The following CAMK4 variants were observed in gnomAD, a reference collection of about 807,000 sequenced individuals.
CAMK4 encodes calcium/calmodulin dependent protein kinase IV, also known as calcium/calmodulin-dependent protein kinase type IV.
In CAMK4, 22 loss-of-function variants were observed where a neutral mutation model predicts 44.9. The ratio of observed to expected loss-of-function variants is 0.49; its 90% CI spans 0.35 to 0.70. The LOEUF (loss-of-function observed/expected upper bound fraction) is 0.70, where lower values mean the gene tolerates loss of function less well. CAMK4 is among the 30% of genes least tolerant of loss of function. CAMK4 has a pLI of 0.01. For synonymous variants in CAMK4, 218 were observed against 215.4 expected (o/e 1.01, Z -0.11); for missense variants, 498 against 586.8 (o/e 0.85, Z 1.56).
intron 5 of CAMK4, among the ~76,000 whole-genome samples, chr5:111,408,995 C>G (rs1008103348): frequency 1.1e-4 from 16 of 152,184 alleles, no homozygotes; most frequent in African/African-American, 3.9e-4. Flanking sequence ...GCTTCCCTCC[C>G]AACTGCTTTC....
Position 111,486,043 on chromosome 5 carries a change from TC to T in CAMK4, c.*1578del, listed in dbSNP as rs1755605331. The T allele has an allele frequency of 6.6e-6, 1 of 152,114 alleles. No individual in the cohort carries two copies. The allele number at this position is 152,114 out of a possible 1,614,324, so 9.4% of individuals were successfully genotyped here. The stretch of plus-strand genomic sequence containing the variant: ...ATAAAAATCCTTGTTAAAAAAGAGA[TC>T]TTAAATTATGTTGGCTCTCCCTCAA... On this transcript the variant is annotated 3_prime_UTR_variant, in exon 11 of 11. Transcript: ENST00000282356.
intron 1 of CAMK4, among the ~76,000 whole-genome samples, chr5:111,298,653 A>C (rs1289039156): frequency 6.6e-6 from 1 of 152,130 alleles, no homozygotes; most frequent in African/African-American, 2.4e-5. Flanking sequence ...CTATCCCTGG[A>C]GCAGGTGTCA....
chr5:111,295,238 G>A (rs946329082), intron 1 of CAMK4, among the ~76,000 whole-genome samples: 4 of 152,166 alleles, frequency 2.6e-5, no homozygotes, highest in Non-Finnish European at 5.9e-5. Flanking sequence ...AACAGTGTAA[G>A]AAGGAGATGG....
At chr5:111,318,294 A>G (rs1748518941) in intron 1 of CAMK4, among the ~76,000 whole-genome samples, 1 of 152,130 alleles carries the variant, frequency 6.6e-6, no homozygotes, top group South Asian at 2.1e-4. Flanking sequence ...TATGATCCAC[A>G]TGGCTGTGTA....
intron 2 of CAMK4, among the ~76,000 whole-genome samples, chr5:111,351,885 C>T (rs1750124117): frequency 6.6e-6 from 1 of 152,048 alleles, no homozygotes; most frequent in South Asian, 2.1e-4. Context: ...GTTCTGGAGG[C>T]TGAGAAGTCC....
chr5:111,464,137 A>T (rs951742265), intron 7 of CAMK4, among the ~76,000 whole-genome samples: 17 of 152,066 alleles, frequency 1.1e-4, no homozygotes, highest in African/African-American at 4.1e-4. Flanking sequence ...AGCATAAATA[A>T]AAAAACAATC....
chr5:111,312,662 A>G (rs984165863), intron 1 of CAMK4, among the ~76,000 whole-genome samples: 3 of 152,162 alleles, frequency 2.0e-5, no homozygotes, highest in African/African-American at 7.2e-5. Flanking sequence ...TCAACCACAA[A>G]TTAAATAAGA....
chr5:111,386,336 T>C (rs1751601166), intron 4 of CAMK4, among the ~76,000 whole-genome samples: 1 of 152,208 alleles, frequency 6.6e-6, no homozygotes, highest in African/African-American at 2.4e-5. Flanking sequence ...TTACTCTCTG[T>C]CATTTGATCC....
chr5:111,437,592 T>C (rs1254596300), intron 5 of CAMK4, among the ~76,000 whole-genome samples: 1 of 152,120 alleles, frequency 6.6e-6, no homozygotes. Context: ...CTGACACATA[T>C]GTTACTTTGG....
At chr5:111,370,258 C>A (rs2112813534) in intron 2 of CAMK4, among the ~76,000 whole-genome samples, 1 of 152,204 alleles carries the variant, frequency 6.6e-6, no homozygotes, top group African/African-American at 2.4e-5. Flanking sequence ...GAGTTTAGAT[C>A]ATTGAACTTT....
At chr5:111,454,553 T>C (rs1230586840) in intron 7 of CAMK4, among the ~76,000 whole-genome samples, 1 of 149,684 alleles carries the variant, frequency 6.7e-6, no homozygotes, top group Non-Finnish European at 1.5e-5. Flanking sequence ...ATAAGTGAAA[T>C]CAATGATTAG....
At chr5:111,434,408 T>A (rs183812414) in intron 5 of CAMK4, among the ~76,000 whole-genome samples, 14 of 152,058 alleles carry the variant, frequency 9.2e-5, no homozygotes, top group Non-Finnish European at 1.9e-4. Context: ...GGATTATGAC[T>A]GATTGGCCAA....
chr5:111,405,682 C>T (rs1752398930), intron 5 of CAMK4, among the ~76,000 whole-genome samples: 1 of 152,102 alleles, frequency 6.6e-6, no homozygotes, highest in African/African-American at 2.4e-5. Flanking sequence ...CCTGGAGGGG[C>T]TCAGGTGACT....
intron 8 of CAMK4, among the ~76,000 whole-genome samples, chr5:111,477,863 G>A (rs1458884115): frequency 6.6e-6 from 1 of 151,980 alleles, no homozygotes; most frequent in Non-Finnish European, 1.5e-5. Flanking sequence ...TTTCTATGGA[G>A]GATTTCATAG....
chr5:111,382,989 T>C (rs1751473961), intron 4 of CAMK4, among the ~76,000 whole-genome samples: 2 of 152,210 alleles, frequency 1.3e-5, no homozygotes, highest in African/African-American at 4.8e-5. Context: ...AAACTTATAC[T>C]TTGATTTGGA....
At chr5:111,248,632 G>C (rs1488473472) in intron 1 of CAMK4, among the ~76,000 whole-genome samples, 2 of 152,048 alleles carry the variant, frequency 1.3e-5, no homozygotes, top group African/African-American at 2.4e-5. Flanking sequence ...GTGCTGCTTG[G>C]TATATGTTGT....
intron 4 of CAMK4, among the ~76,000 whole-genome samples, chr5:111,389,230 A>C (rs1751714316): frequency 6.6e-6 from 1 of 152,092 alleles, no homozygotes; most frequent in Non-Finnish European, 1.5e-5. Context: ...GTCTTTTATA[A>C]AGGCATGAAT....
At chr5:111,420,924 T>C (rs746535889) in intron 5 of CAMK4, among the ~76,000 whole-genome samples, 1 of 152,218 alleles carries the variant, frequency 6.6e-6, no homozygotes, top group Non-Finnish European at 1.5e-5. Context: ...ATGCAATTAT[T>C]ACAGGGTCCT....
intron 2 of CAMK4, among the ~76,000 whole-genome samples, chr5:111,373,486 G>T (rs1387562366): frequency 6.6e-6 from 1 of 152,112 alleles, no homozygotes; most frequent in South Asian, 2.1e-4. Context: ...ATTTTTTTGA[G>T]TATTCATTCC....
Sources: allele counts gnomAD v4.1 joint callset (sites outside exome capture counted in the v4.1 genomes callset), GRCh38; gene constraint gnomAD v4.1.1; transcripts MANE v1.5; gene names NCBI Gene and HGNC (gene_info 2026-07-23, HGNC 2026-07-21).